HS6ST2: variants seen among roughly 807,000 people sequenced by gnomAD.
The protein encoded by HS6ST2 is heparan-sulfate 6-O-sulfotransferase 2.
In HS6ST2, 17 loss-of-function variants were observed where a neutral mutation model predicts 33.0. The ratio of observed to expected loss-of-function variants is 0.52; its 90% CI spans 0.35 to 0.77. The LOEUF (loss-of-function observed/expected upper bound fraction) is 0.77, where lower values mean the gene tolerates loss of function less well. Among genes scored for constraint, HS6ST2 ranks in the 30% least tolerant of loss-of-function variants. The probability of loss-of-function intolerance (pLI) is 0.01; values close to 1 mark genes in which losing one functional copy is unlikely to be tolerated. For synonymous variants in HS6ST2, 248 were observed against 237.1 expected, an observed-to-expected ratio of 1.05 and a Z score of -0.42; for missense variants, 519 against 551.7, an observed-to-expected ratio of 0.94 and a Z score of 0.59.
chrX:132,953,133 C>G (rs1181654452), intron 2 of HS6ST2, among the ~76,000 whole-genome samples: 1 of 111,160 alleles, frequency 9.0e-6, no homozygotes, highest in Non-Finnish European at 1.9e-5. Flanking sequence ...TGGCTACAAA[C>G]AGAGGAAATT....
chrX:132,789,279 A>G (rs753692697), intron 2 of HS6ST2, among the ~76,000 whole-genome samples: 1 of 111,698 alleles, frequency 9.0e-6, no homozygotes, highest in South Asian at 3.8e-4. Context: ...GCCATTAAGA[A>G]TTATGTTAAA....
chrX:132,944,696 A>G (rs1361837587), intron 2 of HS6ST2, among the ~76,000 whole-genome samples: 3 of 110,818 alleles, frequency 2.7e-5, no homozygotes, highest in Non-Finnish European at 5.7e-5. Flanking sequence ...CAGAAATAAT[A>G]CCACACATCT....
At chrX:132,886,393 T>C (rs1437012015) in intron 2 of HS6ST2, among the ~76,000 whole-genome samples, 3 of 111,090 alleles carry the variant, frequency 2.7e-5, no homozygotes, top group Admixed American at 9.6e-5. Flanking sequence ...ATTATCTTAT[T>C]TGAAGAAGAA....
intron 3 of HS6ST2, among the ~76,000 whole-genome samples, chrX:132,694,055 G>A (rs1004071646): frequency 8.9e-6 from 1 of 111,965 alleles, no homozygotes; most frequent in Non-Finnish European, 1.9e-5. Context: ...AATAAGACTC[G>A]TGCCCTCATC....
chrX:132,785,969 T>C (rs1274691802), intron 2 of HS6ST2, among the ~76,000 whole-genome samples: 2 of 111,652 alleles, frequency 1.8e-5, no homozygotes, highest in Non-Finnish European at 3.8e-5. Context: ...CAAGTGATTA[T>C]ACCCAAGGTC....
At chrX:132,913,006 T>C (rs1018737799) in intron 2 of HS6ST2, among the ~76,000 whole-genome samples, 2 of 110,829 alleles carry the variant, frequency 1.8e-5, no homozygotes, top group African/African-American at 6.6e-5. Context: ...TTTTGAATAC[T>C]CACAAACCAA....
intron 2 of HS6ST2, among the ~76,000 whole-genome samples, chrX:132,872,629 C>T (rs2066073086): frequency 9.0e-6 from 1 of 111,707 alleles, no homozygotes; most frequent in South Asian, 3.8e-4. Flanking sequence ...ATCATATAAA[C>T]TCTGTAAGGC....
At chrX:132,904,904 G>T (rs763708309) in intron 2 of HS6ST2, among the ~76,000 whole-genome samples, 1 of 110,288 alleles carries the variant, frequency 9.1e-6, no homozygotes, top group Non-Finnish European at 1.9e-5. Context: ...CAGTACCAAG[G>T]CTTGGTGCTT....
intron 3 of HS6ST2, among the ~76,000 whole-genome samples, chrX:132,707,821 G>A (rs1432940924): frequency 9.0e-6 from 1 of 111,375 alleles, no homozygotes; most frequent in Non-Finnish European, 1.9e-5. Context: ...AACAGTTGTT[G>A]CCTGCAGGGG....
intron 2 of HS6ST2, among the ~76,000 whole-genome samples, chrX:132,749,916 A>G (rs761720599): frequency 2.7e-5 from 3 of 111,548 alleles, no homozygotes; most frequent in Non-Finnish European, 3.8e-5. Flanking sequence ...GGCAGTGTTA[A>G]GAGGAACCTC....
At chrX:132,922,635 G>A (rs1217571008) in intron 2 of HS6ST2, among the ~76,000 whole-genome samples, 1 of 112,150 alleles carries the variant, frequency 8.9e-6, no homozygotes, top group African/African-American at 3.2e-5. Flanking sequence ...GAGACCATGT[G>A]CCCAAGGTGG....
chrX:132,840,358 T>C (rs1406225520), intron 2 of HS6ST2, among the ~76,000 whole-genome samples: 1 of 110,533 alleles, frequency 9.0e-6, no homozygotes, highest in Non-Finnish European at 1.9e-5. Context: ...CCCAAATATT[T>C]TGGAATGAGG....
chrX:132,849,746 G>A (rs1172612537), intron 2 of HS6ST2, among the ~76,000 whole-genome samples: 1 of 111,838 alleles, frequency 8.9e-6, no homozygotes, highest in Non-Finnish European at 1.9e-5. Context: ...AATGACCTTT[G>A]TACACAAAAC....
At chrX:132,739,913 T>A (rs1328392741) in intron 2 of HS6ST2, among the ~76,000 whole-genome samples, 1 of 111,533 alleles carries the variant, frequency 9.0e-6, no homozygotes, top group African/African-American at 3.3e-5. Context: ...AAGAAACACT[T>A]TTTAGACATT....
intron 2 of HS6ST2, among the ~76,000 whole-genome samples, chrX:132,888,808 T>C (rs1363903486): frequency 9.0e-6 from 1 of 111,166 alleles, no homozygotes; most frequent in African/African-American, 3.3e-5. Flanking sequence ...CCTGCCACAA[T>C]TGGTAGATTT....
intron 2 of HS6ST2, among the ~76,000 whole-genome samples, chrX:132,733,426 G>T (rs2064477636): frequency 1.8e-5 from 2 of 109,842 alleles, no homozygotes; most frequent in Admixed American, 9.9e-5. Flanking sequence ...TCTGGACATG[G>T]CTTAAGTCTA....
At chrX:132,779,782 C>A (rs1284092347) in intron 2 of HS6ST2, among the ~76,000 whole-genome samples, 1 of 109,774 alleles carries the variant, frequency 9.1e-6, no homozygotes, top group Non-Finnish European at 1.9e-5. Flanking sequence ...TTCCCCTGTT[C>A]CTCCCAATAA....
rs2065397087 is a variant in HS6ST2, at chrX:132,816,613, A to C, written c.948-108119T>G. 6.2e-5 allele frequency among the ~76,000 whole-genome samples: 7 copies of C among 112,320 alleles called. No individual in the cohort carries two copies. The South Asian group carries it at 2.6e-3, about 41-fold the overall frequency. The stretch of plus-strand genomic sequence containing the variant: ...TGTGCAAGGGTCTCCACTGGAGGGA[A>C]GTTTTCTCAAAATATTTGCTGGCTT... On this transcript the variant is annotated intron_variant, in intron 2 of 4. Coordinates refer to ENST00000370833, the MANE Select transcript of HS6ST2 (RefSeq NM_001394073.1).
intron 2 of HS6ST2, among the ~76,000 whole-genome samples, chrX:132,848,899 C>T (rs1715207770): frequency 9.0e-6 from 1 of 111,237 alleles, no homozygotes; most frequent in Non-Finnish European, 1.9e-5. Context: ...TCAAATGTAC[C>T]CAGATTCCTA....
Sources: allele counts gnomAD v4.1 joint callset (sites outside exome capture counted in the v4.1 genomes callset), GRCh38; gene constraint gnomAD v4.1.1; transcripts MANE v1.5; gene names NCBI Gene and HGNC (gene_info 2026-07-23, HGNC 2026-07-21).